The following LMX1B variants were observed in gnomAD, a reference collection of about 807,000 sequenced individuals.
The protein encoded by LMX1B is LIM homeobox transcription factor 1 beta.
In LMX1B, 12 loss-of-function variants were observed where a neutral mutation model predicts 51.4. The ratio of observed to expected loss-of-function variants is 0.23; its 90% CI spans 0.15 to 0.38. The LOEUF is 0.38. Ranked by LOEUF, LMX1B falls within the 10% of genes least tolerant of loss-of-function variation. The probability of loss-of-function intolerance (pLI) is 1.00; values close to 1 mark genes in which losing one functional copy is unlikely to be tolerated. For synonymous variants in LMX1B, 237 were observed against 235.4 expected, an observed-to-expected ratio of 1.01 and a Z score of -0.06; for missense variants, 445 against 571.1, an observed-to-expected ratio of 0.78 and a Z score of 2.25.
intron 2 of LMX1B, among the ~76,000 whole-genome samples, chr9:126,644,544 G>A (rs1371556691): frequency 6.6e-6 from 1 of 152,186 alleles, no homozygotes; most frequent in East Asian, 1.9e-4. Context: ...CCTAGTCTAA[G>A]GCTCCTTGTT....
chr9:126,615,866 C>T lies in LMX1B; in HGVS notation c.326+297C>T, dbSNP rs762881597. 6.6e-6 allele frequency among the ~76,000 whole-genome samples: 1 copy of T among 152,160 alleles called. No individual in the cohort carries two copies. Among genetic ancestry groups the T allele is most frequent in the Non-Finnish European group, 1.5e-5 (1 of 68,030 alleles). Reference sequence around the variant, plus strand: ...CTGGGTCCTGGGATATAGGGTCTGGCGCTACGGAGGCCTGAATTGGGAACC... The same window carrying T: ...CTGGGTCCTGGGATATAGGGTCTGGTGCTACGGAGGCCTGAATTGGGAACC... On this transcript the variant is annotated intron_variant, in intron 2 of 7. Coordinates refer to ENST00000373474, the MANE Select transcript of LMX1B (RefSeq NM_001174147.2). The surrounding 1 kb of genome is among the most constrained non-coding windows in gnomAD (Gnocchi z 6.0).
Position 126,618,648 on chromosome 9 carries a change from A to G in LMX1B, c.326+3079A>G, listed in dbSNP as rs1469298166. ...GTCCTCCACCGGAGAACAAATGAAAAATAAGGCACTTTCCCCCCTCCCATG... is the reference window on the plus strand; with the variant it reads ...GTCCTCCACCGGAGAACAAATGAAAGATAAGGCACTTTCCCCCCTCCCATG... On this transcript the variant is annotated intron_variant, in intron 2 of 7. Transcript: ENST00000373474. This position sits in a 1 kb window ranked among gnomAD's most constrained non-coding sequence, Gnocchi z 4.5. 6.6e-6 allele frequency among the ~76,000 whole-genome samples: 1 copy of G among 152,156 alleles called. No individual in the cohort carries two copies. The highest frequency in any genetic ancestry group is 1.5e-5 in the Non-Finnish European group (1 of 68,034).
rs779391695 is a variant in LMX1B, at chr9:126,687,353, G to A, written c.327-3483G>A. On this transcript the variant is annotated intron_variant, in intron 2 of 7. Coordinates refer to ENST00000373474, the MANE Select transcript of LMX1B (RefSeq NM_001174147.2). ...AAGTGATTCTCTTGCCTCAACCTCC[G>A]GAGTAGCTAGGATTACAGGTGTGTG... 2.6e-5 allele frequency among the ~76,000 whole-genome samples: 4 copies of A among 151,822 alleles called. No homozygotes were observed. In the South Asian group the frequency reaches 6.3e-4, roughly 24 times the overall value.
intron 2 of LMX1B, among the ~76,000 whole-genome samples, chr9:126,660,899 G>C (rs906308158): frequency 8.5e-5 from 13 of 152,200 alleles, no homozygotes; most frequent in African/African-American, 2.9e-4. Flanking sequence ...GGGCATTTTG[G>C]GAGACGCCAT....
chr9:126,675,222 T>A (rs1422666291), intron 2 of LMX1B, among the ~76,000 whole-genome samples: 2 of 152,138 alleles, frequency 1.3e-5, no homozygotes, highest in African/African-American at 2.4e-5. Context: ...GAATGACAGA[T>A]GCACTCGGCT....
At chr9:126,692,345 G>A (rs554103792) in intron 3 of LMX1B, among the ~76,000 whole-genome samples, 12 of 152,364 alleles carry the variant, frequency 7.9e-5, no homozygotes, top group African/African-American at 2.2e-4. Flanking sequence ...GGGGGGCAGC[G>A]GGAGGCCCAG....
chr9:126,679,288 G>A (rs1836627974), intron 2 of LMX1B, among the ~76,000 whole-genome samples: 1 of 152,118 alleles, frequency 6.6e-6, no homozygotes, highest in African/African-American at 2.4e-5. Context: ...GACGGATGGA[G>A]GCATGGATGT....
At chr9:126,692,644 C>T (rs533689708) in intron 3 of LMX1B, among the ~76,000 whole-genome samples, 7 of 152,342 alleles carry the variant, frequency 4.6e-5, no homozygotes, top group Non-Finnish European at 8.8e-5. Flanking sequence ...CGAGTGTGTG[C>T]GTGCATACGC....
chr9:126,669,537 G>C (rs1240623300), intron 2 of LMX1B, among the ~76,000 whole-genome samples: 1 of 152,166 alleles, frequency 6.6e-6, no homozygotes, highest in Non-Finnish European at 1.5e-5. Flanking sequence ...GGGCCTGGGG[G>C]GTCTTCGTTT....
chr9:126,656,403 A>G (rs1836116968), intron 2 of LMX1B, among the ~76,000 whole-genome samples: 1 of 151,062 alleles, frequency 6.6e-6, no homozygotes, highest in African/African-American at 2.4e-5. Flanking sequence ...AGATAGATAG[A>G]TAGATAGATA....
At chr9:126,623,966 G>C (rs565514303) in intron 2 of LMX1B, among the ~76,000 whole-genome samples, 108 of 152,360 alleles carry the variant, frequency 7.1e-4, no homozygotes, top group Middle Eastern at 3.4e-3. Context: ...ATGACACCAT[G>C]CATAGGCTCC....
Position 126,699,139 on chromosome 9 carries a change from C to T in LMX1B, c.*2688C>T, listed in dbSNP as rs2030451611. On this transcript the variant is annotated 3_prime_UTR_variant, in exon 8 of 8. Coordinates refer to ENST00000373474, the MANE Select transcript of LMX1B (RefSeq NM_001174147.2). ...CCCCCAGGAGACCTGGCCCTTCTCTCTCAGACCCAATAAGTTGGAAGGGAC... is the reference window on the plus strand; with the variant it reads ...CCCCCAGGAGACCTGGCCCTTCTCTTTCAGACCCAATAAGTTGGAAGGGAC... 6.6e-6 allele frequency: 1 copy of T among 152,262 alleles called. No individual in the cohort carries two copies. The highest frequency in any genetic ancestry group is 6.5e-5 in the Admixed American group (1 of 15,290). The allele number at this position is 152,262 out of a possible 1,614,324, so 9.4% of individuals were successfully genotyped here. A position where few individuals can be genotyped will look rare whatever the true frequency, so the allele number is the denominator to read the frequency against.
In LMX1B at chr9:126,671,092, A is replaced by C. The variant is rs1227235150; in HGVS notation, c.327-19744A>C. Among the ~76,000 whole-genome samples the C allele has an allele frequency of 1.3e-5, 2 of 151,648 alleles. No homozygotes were observed. Among genetic ancestry groups the C allele is most frequent in the Admixed American group, 1.3e-4 (2 of 15,232 alleles). The stretch of plus-strand genomic sequence containing the variant: ...GGGCAAGAGAACTATCAGCTGGGAC[A>C]CCTCCCATACTCTCCAGAGTTTGGC... On this transcript the variant is annotated intron_variant, in intron 2 of 7. Transcript: ENST00000373474. This position sits in a 1 kb window ranked among gnomAD's most constrained non-coding sequence, Gnocchi z 4.4.
intron 2 of LMX1B, among the ~76,000 whole-genome samples, chr9:126,656,960 A>G (rs978976053): frequency 6.6e-6 from 1 of 151,952 alleles, no homozygotes; most frequent in African/African-American, 2.4e-5. Flanking sequence ...CTGACCTTCT[A>G]TGTGCCAGAC....
intron 2 of LMX1B, among the ~76,000 whole-genome samples, chr9:126,681,294 A>G (rs1479779396): frequency 6.6e-6 from 1 of 152,128 alleles, no homozygotes; most frequent in East Asian, 1.9e-4. Context: ...ATCTGTCCAC[A>G]TGGCTGCCTA....
chr9:126,667,501 G>A (rs1480560236), intron 2 of LMX1B, among the ~76,000 whole-genome samples: 1 of 152,234 alleles, frequency 6.6e-6, no homozygotes, highest in Non-Finnish European at 1.5e-5. Context: ...AACACACTGG[G>A]CGGTGCTGCC....
intron 3 of LMX1B, among the ~76,000 whole-genome samples, chr9:126,691,347 A>G (rs2030124767): frequency 6.6e-6 from 1 of 152,178 alleles, no homozygotes; most frequent in Non-Finnish European, 1.5e-5. Context: ...CATAAAATGC[A>G]TGCAGGAATA....
chr9:126,629,220 A>T (rs1588267915), intron 2 of LMX1B, among the ~76,000 whole-genome samples: 1 of 152,094 alleles, frequency 6.6e-6, no homozygotes. Context: ...ACCTCTCAGG[A>T]CCTAACACTT....
At chr9:126,690,596 C>T (rs547005458) in intron 2 of LMX1B, among the ~76,000 whole-genome samples, 3 of 152,332 alleles carry the variant, frequency 2.0e-5, no homozygotes, top group South Asian at 2.1e-4. Flanking sequence ...TGAGCTGCCA[C>T]GCCCGGGACA....
Sources: allele counts gnomAD v4.1 joint callset (sites outside exome capture counted in the v4.1 genomes callset), GRCh38; gene constraint gnomAD v4.1.1; non-coding constraint Gnocchi (gnomAD v3.1); transcripts MANE v1.5; gene names NCBI Gene and HGNC (gene_info 2026-07-23, HGNC 2026-07-21).